Variants in ANO2 observed in about 807,000 individuals in gnomAD.
ANO2 encodes anoctamin-2.
ANO2 carries 101 observed loss-of-function variants against 124.2 expected under a neutral mutation model. The ratio of observed to expected loss-of-function variants is 0.81; its 90% CI spans 0.69 to 0.96. The LOEUF (loss-of-function observed/expected upper bound fraction) is 0.96. ANO2 is among the 40% of genes least tolerant of loss of function. The pLI is 0.00. For missense variants in ANO2, 1,293 were observed against 1,274.5 expected (o/e 1.01, Z -0.22); for synonymous variants, 486 against 482.5 (o/e 1.01, Z -0.09).
intron 9 of ANO2, among the ~76,000 whole-genome samples, chr12:5,803,096 C>T (rs1161668200): frequency 6.6e-6 from 1 of 152,214 alleles, no homozygotes; most frequent in African/African-American, 2.4e-5. Flanking sequence ...CCACAAGCTC[C>T]TCAGAGAGCA....
chr12:5,674,965 A>AG (rs397962178), intron 14 of ANO2, among the ~76,000 whole-genome samples: 2 of 151,296 alleles, frequency 1.3e-5, no homozygotes, highest in East Asian at 3.9e-4. Context: ...TTGAAAGCTA[A>AG]GGGATGGGCA....
At chr12:5,776,398 C>T (rs995011126) in intron 10 of ANO2, among the ~76,000 whole-genome samples, 1 of 152,222 alleles carries the variant, frequency 6.6e-6, no homozygotes, top group Non-Finnish European at 1.5e-5. Context: ...TACTTGGCTT[C>T]ATTGAAAGTA....
rs376782173 is a variant in ANO2, at chr12:5,830,505, G to T, written c.786-16C>A. 3 of 1,607,842 alleles carry T rather than the reference G, an allele frequency of 1.9e-6. No individual in the cohort carries two copies. Among genetic ancestry groups the T allele is most frequent in the Non-Finnish European group, 2.5e-6 (3 of 1,177,064 alleles). The stretch of plus-strand genomic sequence containing the variant: ...GATGTTGTACCTGGAGACACCAAGA[G>T]AGCAGATGGCAAATTCATTTCATTA... On this transcript the variant is annotated splice_polypyrimidine_tract_variant and intron_variant, in intron 5 of 24. Coordinates refer to ENST00000682330, the MANE Select transcript of ANO2 (RefSeq NM_001364791.2).
At chr12:5,618,475 C>T (rs1944951345) in intron 16 of ANO2, among the ~76,000 whole-genome samples, 1 of 152,188 alleles carries the variant, frequency 6.6e-6, no homozygotes, top group African/African-American at 2.4e-5. Context: ...CATTTCACTT[C>T]TGTGGATGAA....
chr12:5,888,517 T>C (rs556898259), intron 3 of ANO2, among the ~76,000 whole-genome samples: 1 of 152,204 alleles, frequency 6.6e-6, no homozygotes, highest in Non-Finnish European at 1.5e-5. Context: ...TACAGAGAGC[T>C]GAATGGTCCA....
intron 11 of ANO2, among the ~76,000 whole-genome samples, chr12:5,749,355 C>T (rs1277133322): frequency 6.6e-6 from 1 of 152,204 alleles, no homozygotes; most frequent in Non-Finnish European, 1.5e-5. Flanking sequence ...CCGGGGCCTC[C>T]ACCTAAGTCA....
At chr12:5,778,039 T>C (rs1280883788) in intron 10 of ANO2, among the ~76,000 whole-genome samples, 1 of 152,188 alleles carries the variant, frequency 6.6e-6, no homozygotes, top group East Asian at 1.9e-4. Context: ...GAATGCAATT[T>C]AGACATCAAA....
intron 14 of ANO2, among the ~76,000 whole-genome samples, chr12:5,650,441 C>A (rs1946863540): frequency 6.6e-6 from 1 of 152,226 alleles, no homozygotes; most frequent in South Asian, 2.1e-4. Context: ...TCACAGCTCC[C>A]AACACACACA....
rs562905668 is a variant in ANO2, at chr12:5,570,865, C to A, written c.2621+4969G>T. ...ACTTAAAACTGCCTCCTGGAATTGA[C>A]CCTTAACAAAGGAAAACAGTACAGG... On this transcript the variant is annotated intron_variant, in intron 23 of 24. Transcript: ENST00000682330. 3.9e-5 allele frequency among the ~76,000 whole-genome samples: 6 copies of A among 152,256 alleles called. No individual in the cohort carries two copies. In the South Asian group the frequency reaches 1.2e-3, roughly 32 times the overall value.
intron 23 of ANO2, among the ~76,000 whole-genome samples, chr12:5,566,879 T>A (rs1167534790): frequency 6.6e-6 from 1 of 152,084 alleles, no homozygotes; most frequent in Non-Finnish European, 1.5e-5. Flanking sequence ...GTGACCGCAG[T>A]TTAGGGGACA....
chr12:5,768,216 C>T (rs958993337), intron 10 of ANO2, among the ~76,000 whole-genome samples: 14 of 152,196 alleles, frequency 9.2e-5, no homozygotes, highest in African/African-American at 3.4e-4. Flanking sequence ...ATTCTCACAG[C>T]CGCATGGTTT....
upstream of ANO2, chr12:5,946,125 C>G: frequency 6.2e-7 from 1 of 1,612,800 alleles, no homozygotes; most frequent in Non-Finnish European, 8.5e-7. This position sits in a 1 kb window ranked among gnomAD's most constrained non-coding sequence, Gnocchi z 4.1. Flanking sequence ...ATGTTAAGGT[C>G]AAGTATGCCA....
chr12:5,574,385 C>A (rs983686520), intron 23 of ANO2, among the ~76,000 whole-genome samples: 4 of 152,110 alleles, frequency 2.6e-5, no homozygotes, highest in African/African-American at 9.7e-5. Flanking sequence ...CTTAGTGTGT[C>A]AAGGAGTTGG....
rs900323505 is a variant in ANO2, at chr12:5,658,373, A to G, written c.1546-10572T>C. Among the ~76,000 whole-genome samples the G allele has an allele frequency of 8.5e-5, 5 of 58,534 alleles. No individual in the cohort carries two copies. The highest frequency in any genetic ancestry group is 5.7e-4 in the African/African-American group (5 of 8,832). The allele number at this position is 58,534 out of a possible 152,430, so 38.4% of individuals were successfully genotyped here. A position where few individuals can be genotyped will look rare whatever the true frequency, so the allele number is the denominator to read the frequency against. On this transcript the variant is annotated intron_variant, in intron 14 of 24. Transcript: ENST00000682330. The surrounding 1 kb of genome is among the most constrained non-coding windows in gnomAD (Gnocchi z 4.3). ...TAGAACCCAATACTTGTTGCCTATC[A>G]TCATCATCATCAACAACATCATCAT...
chr12:5,714,805 C>A (rs1949956224), intron 14 of ANO2, among the ~76,000 whole-genome samples: 3 of 152,140 alleles, frequency 2.0e-5, no homozygotes, highest in Admixed American at 2.0e-4. Context: ...GCAGAGCCAC[C>A]GTCCTAAACT....
intron 3 of ANO2, among the ~76,000 whole-genome samples, chr12:5,890,168 A>G (rs1264728341): frequency 6.6e-6 from 1 of 152,164 alleles, no homozygotes; most frequent in African/African-American, 2.4e-5. Context: ...CCTGGGGAAG[A>G]TGACAAGGCC....
At chr12:5,702,432 GA>G (rs1949440136) in intron 14 of ANO2, among the ~76,000 whole-genome samples, 1 of 152,000 alleles carries the variant, frequency 6.6e-6, no homozygotes, top group Non-Finnish European at 1.5e-5. Context: ...ATTAACAATG[GA>G]TAATATCCAT....
At chr12:5,914,645 G>A (rs1191466642) in intron 3 of ANO2, among the ~76,000 whole-genome samples, 1 of 152,142 alleles carries the variant, frequency 6.6e-6, no homozygotes, top group Non-Finnish European at 1.5e-5. Context: ...TCAATCTCAA[G>A]AAAGCCAGCC....
At chr12:5,675,924 T>A (rs1162295187) in intron 14 of ANO2, among the ~76,000 whole-genome samples, 2 of 152,168 alleles carry the variant, frequency 1.3e-5, no homozygotes, top group African/African-American at 4.8e-5. Context: ...CCTGTCTTGG[T>A]CCCACCCTAG....
Sources: allele counts gnomAD v4.1 joint callset (sites outside exome capture counted in the v4.1 genomes callset), GRCh38; gene constraint gnomAD v4.1.1; non-coding constraint Gnocchi (gnomAD v3.1); transcripts MANE v1.5; gene names NCBI Gene and HGNC (gene_info 2026-07-23, HGNC 2026-07-21).